LAPTM5: variants seen among roughly 807,000 people sequenced by gnomAD.
LAPTM5 encodes lysosomal protein transmembrane 5, also known as lysosomal-associated transmembrane protein 5.
LAPTM5 carries 11 observed loss-of-function variants against 30.1 expected under a neutral mutation model. The ratio of observed to expected loss-of-function variants is 0.37; its 90% confidence interval spans 0.23 to 0.60. LAPTM5 has a LOEUF of 0.60. Ranked by LOEUF, LAPTM5 falls within the 20% of genes least tolerant of loss-of-function variation. The pLI is 0.71. For synonymous variants in LAPTM5, 151 were observed against 137.9 expected, an observed-to-expected ratio of 1.10 and a Z score of -0.67; for missense variants, 324 against 332.5, an observed-to-expected ratio of 0.97 and a Z score of 0.20.
At chr1:30,753,835 AT>A (rs1362536317) in intron 1 of LAPTM5, among the ~76,000 whole-genome samples, 1 of 152,244 alleles carries the variant, frequency 6.6e-6, no homozygotes, top group Non-Finnish European at 1.5e-5. Context: ...GACGTTAGCA[AT>A]AGAGGAACTA....
intron 1 of LAPTM5, among the ~76,000 whole-genome samples, chr1:30,752,574 C>T (rs1640152475): frequency 6.6e-6 from 1 of 152,258 alleles, no homozygotes; most frequent in South Asian, 2.1e-4. Flanking sequence ...AAGACTCAGA[C>T]CTCCTCCAAG....
chr1:30,751,281 C>T (rs1362677832), intron 1 of LAPTM5, among the ~76,000 whole-genome samples: 1 of 152,268 alleles, frequency 6.6e-6, no homozygotes, highest in Non-Finnish European at 1.5e-5. Context: ...GCCTCCTCAC[C>T]CCTCCGTGAA....
At chr1:30,748,385 C>T (rs148645642) in intron 1 of LAPTM5, among the ~76,000 whole-genome samples, 21 of 152,246 alleles carry the variant, frequency 1.4e-4, no homozygotes, top group African/African-American at 4.8e-4. Context: ...AGGGCTGCTC[C>T]ACCCTGACCC....
chr1:30,755,614 C>T (rs955597925), intron 1 of LAPTM5, among the ~76,000 whole-genome samples: 33 of 152,218 alleles, frequency 2.2e-4, no homozygotes, highest in African/African-American at 7.5e-4. Flanking sequence ...GAGCAGGGAC[C>T]GTATATCACA....
At chr1:30,740,607 C>T (rs1047211675) in intron 3 of LAPTM5, among the ~76,000 whole-genome samples, 2 of 152,044 alleles carry the variant, frequency 1.3e-5, no homozygotes, top group Admixed American at 6.5e-5. Context: ...ACAGTGGTTT[C>T]CTGGTGTCTC....
rs113411400 is a variant in LAPTM5, at chr1:30,757,633, C to T, written c.87+26G>A. The T allele has an allele frequency of 1.0e-4, 163 of 1,609,198 alleles. No homozygotes were observed. In the African/African-American group the frequency reaches 2.0e-3, roughly 20 times the overall value. The stretch of plus-strand genomic sequence containing the variant: ...TCACACTCACACAAGCACGCACGCA[C>T]ACACACCCGGGGCCCGCACACTCAC... On this transcript the variant is annotated intron_variant, in intron 1 of 7. Coordinates refer to ENST00000294507, the MANE Select transcript of LAPTM5 (RefSeq NM_006762.3).
At chr1:30,754,902 G>A (rs955119156) in intron 1 of LAPTM5, among the ~76,000 whole-genome samples, 6 of 152,246 alleles carry the variant, frequency 3.9e-5, no homozygotes, top group African/African-American at 1.2e-4. Flanking sequence ...GCCAGCATGG[G>A]CTATTGACAC....
chr1:30,735,062 A>C (rs1389730645), intron 7 of LAPTM5, 111 bp downstream of exon 7: 1 of 751,002 alleles, frequency 1.3e-6, no homozygotes, highest in African/African-American at 1.7e-5. Context: ...CTTCTGTTCC[A>C]ACCCTCATCT....
rs1412560369 is a variant in LAPTM5 at position 30,739,400 on chromosome 1, TGGGC to T, written c.388-342_388-339del. Among the ~76,000 whole-genome samples the T allele has an allele frequency of 6.6e-6, 1 of 152,202 alleles. No individual in the cohort carries two copies. The highest frequency in any genetic ancestry group is 1.5e-5 in the Non-Finnish European group (1 of 68,032). ...CAGCAGCCCTCAAGCCACCCCACAG[TGGGC>T]GCTCACTGGCATGAATCATCCTTCT... On this transcript the variant is annotated intron_variant, in intron 4 of 7. Coordinates refer to ENST00000294507, the MANE Select transcript of LAPTM5 (RefSeq NM_006762.3). This position sits in a 1 kb window ranked among gnomAD's most constrained non-coding sequence, Gnocchi z 4.2.
In LAPTM5 at chr1:30,742,502, A is replaced by G. The variant is rs1639984987; in HGVS notation, c.135T>C (p.His45=). 1 of 1,613,848 alleles carries G rather than the reference A, an allele frequency of 6.2e-7. No individual in the cohort carries two copies. Among genetic ancestry groups the G allele is most frequent in the Non-Finnish European group, 8.5e-7 (1 of 1,179,978 alleles). ...LFIEHSVEVA[H]GKASCKLSQM... ...GGGAGAGCTTGCAGGACGCCTTGCC[A>G]TGGGCCACCTCTACTGAGTGCTCGA... The change falls in exon 2 of 8, where the codon CAT becomes CAC. Residue 45 remains histidine, a synonymous_variant. Transcript: ENST00000294507.
chr1:30,751,913 G>A (rs897266662), intron 1 of LAPTM5, among the ~76,000 whole-genome samples: 3 of 152,142 alleles, frequency 2.0e-5, no homozygotes, highest in African/African-American at 4.8e-5. Flanking sequence ...AAAGGTGCCC[G>A]CCTGCTCAAG....
chr1:30,738,716 T>G (rs1317737359), intron 5 of LAPTM5, among the ~76,000 whole-genome samples: 2 of 152,214 alleles, frequency 1.3e-5, no homozygotes, highest in African/African-American at 2.4e-5. Flanking sequence ...AGCCACATCT[T>G]TGCTTCTTTG....
chr1:30,756,333 T>G (rs1230470419), intron 1 of LAPTM5, among the ~76,000 whole-genome samples: 1 of 152,182 alleles, frequency 6.6e-6, no homozygotes, highest in African/African-American at 2.4e-5. Context: ...TCTGACAACT[T>G]GACTCCAAGG....
At chr1:30,737,037 G>A (rs1019223394) in intron 6 of LAPTM5, among the ~76,000 whole-genome samples, 2 of 152,168 alleles carry the variant, frequency 1.3e-5, no homozygotes, top group South Asian at 2.1e-4. Context: ...GTCTCTTCAC[G>A]TTGCTGGTTG....
intron 1 of LAPTM5, among the ~76,000 whole-genome samples, chr1:30,756,117 G>A (rs1431535977): frequency 1.3e-5 from 2 of 152,228 alleles, no homozygotes; most frequent in Admixed American, 1.3e-4. Context: ...CAGGGCTGGG[G>A]TGAGGACCCA....
rs1349021204 is a variant in LAPTM5 at position 30,733,654 on chromosome 1, T to A, written c.*174A>T. On this transcript the variant is annotated 3_prime_UTR_variant, in exon 8 of 8. Transcript: ENST00000294507. ...TCAGCCTAAAGCGTTGACCCAGTTG[T>A]GAGCAGCTCACAGGCCCTGCAGGAG... 5.2e-6 allele frequency: 8 copies of A among 1,533,472 alleles called. No individual in the cohort carries two copies. The highest frequency in any genetic ancestry group is 1.4e-5 in the African/African-American group (1 of 72,914). 95.0% of individuals were successfully genotyped at this position (1,533,472 alleles called of 1,614,324 possible).
chr1:30,734,067 C>T, intron 7 of LAPTM5, 150 bp from the exon 8 acceptor site: 1 of 869,134 alleles, frequency 1.2e-6, no homozygotes, highest in Non-Finnish European at 1.8e-6. Flanking sequence ...CTAGACATTG[C>T]CTGCATGAGA....
intron 7 of LAPTM5, 147 bp downstream of exon 7, chr1:30,735,026 T>C (rs759488183): frequency 3.0e-6 from 2 of 674,414 alleles, no homozygotes; most frequent in Non-Finnish European, 5.3e-6. Context: ...AATCTTAGAC[T>C]ACCAGAACTG....
chr1:30,733,999 C>T, intron 7 of LAPTM5, 82 bp from the exon 8 acceptor site: 3 of 1,409,472 alleles, frequency 2.1e-6, no homozygotes, highest in Non-Finnish European at 2.9e-6. Flanking sequence ...ACCCAAACCC[C>T]CACCTCTGGC....
Sources: gnomAD v4.1 joint callset for allele counts (sites outside exome capture counted in the v4.1 genomes callset) on GRCh38, gnomAD v4.1.1 for gene constraint, Gnocchi (gnomAD v3.1) non-coding constraint, MANE v1.5 for transcripts, NCBI Gene and HGNC (gene_info 2026-07-23, HGNC 2026-07-21) for gene names.